PPP1R14C: variants seen among roughly 807,000 people sequenced by gnomAD.
The protein encoded by PPP1R14C is protein phosphatase 1 regulatory subunit 14C.
Under a neutral mutation model 20.4 loss-of-function variants are expected in PPP1R14C, and 16 were observed. The observed-to-expected ratio is 0.78, with a 90% CI of 0.53 to 1.19. The LOEUF (loss-of-function observed/expected upper bound fraction) is 1.19. Among genes scored for constraint, PPP1R14C ranks in the 50% most tolerant of loss-of-function variants. The pLI, the probability that PPP1R14C is intolerant of heterozygous loss-of-function variation, is 0.00. For synonymous variants in PPP1R14C, 91 were observed against 91.0 expected, an observed-to-expected ratio of 1.00 and a Z score of 0.00; for missense variants, 211 against 220.1, an observed-to-expected ratio of 0.96 and a Z score of 0.26.
chr6:150,160,910 A>G (rs1050005948), intron 1 of PPP1R14C, among the ~76,000 whole-genome samples: 1 of 152,048 alleles, frequency 6.6e-6, no homozygotes, highest in Non-Finnish European at 1.5e-5. Flanking sequence ...CTTATCTTGT[A>G]TGTTTCCTGC....
chr6:150,210,586 T>G (rs554384645), intron 1 of PPP1R14C, among the ~76,000 whole-genome samples: 1 of 152,332 alleles, frequency 6.6e-6, no homozygotes. Context: ...TGTGACAGTC[T>G]CTGCAGGACA....
chr6:150,248,534 G>A (rs559768126), intron 3 of PPP1R14C, among the ~76,000 whole-genome samples: 9 of 152,324 alleles, frequency 5.9e-5, no homozygotes, highest in South Asian at 4.1e-4. Flanking sequence ...CCCCCGTAAA[G>A]AAAGTAGAAC....
intron 1 of PPP1R14C, among the ~76,000 whole-genome samples, chr6:150,211,938 G>GT (rs958409842): frequency 6.6e-5 from 10 of 152,210 alleles, no homozygotes; most frequent in South Asian, 6.2e-4. Flanking sequence ...ATCACTTGAG[G>GT]TTTTTTCCCC....
intron 1 of PPP1R14C, among the ~76,000 whole-genome samples, chr6:150,162,266 C>G (rs1054930247): frequency 3.6e-4 from 55 of 152,146 alleles, no homozygotes; most frequent in African/African-American, 1.3e-3. Flanking sequence ...TGTTGGCCAG[C>G]CTGATCTCGA....
At chr6:150,221,211 A>C (rs1159582106) in intron 3 of PPP1R14C, among the ~76,000 whole-genome samples, 1 of 152,212 alleles carries the variant, frequency 6.6e-6, no homozygotes, top group Non-Finnish European at 1.5e-5. Context: ...TTCACATTGC[A>C]CTAACATACA....
At chr6:150,176,422 T>C (rs1028132743) in intron 1 of PPP1R14C, among the ~76,000 whole-genome samples, 1 of 152,234 alleles carries the variant, frequency 6.6e-6, no homozygotes, top group African/African-American at 2.4e-5. Context: ...CCTTTAGGAT[T>C]AGGCTGAACT....
At chr6:150,152,713 T>C (rs1889552) in intron 1 of PPP1R14C, among the ~76,000 whole-genome samples, 130,984 of 152,108 alleles carry the variant, frequency 0.86, 56,772 homozygotes, top group African/African-American at 0.96. Context: ...CTTTCCAGGG[T>C]CCCTCTTTCT....
chr6:150,143,391 C>T lies in PPP1R14C; in HGVS notation c.199C>T (p.His67Tyr). The T allele has an allele frequency of 6.2e-7, 1 of 1,612,276 alleles. No homozygotes were observed. Among genetic ancestry groups the T allele is most frequent in the Non-Finnish European group, 8.5e-7 (1 of 1,179,406 alleles). Reference protein sequence around the residue: ...GQVQQQQQRRHQQGKVTVKYD... With the variant: ...GQVQQQQQRRYQQGKVTVKYD... The stretch of plus-strand genomic sequence containing the variant: ...GGTTCAGCAGCAACAGCAGCGGCGA[C>T]ACCAGCAGGGAAAAGTGACAGTGAA... Residue 67 changes from histidine to tyrosine, a missense_variant, in exon 1 of 4, where the codon CAC becomes TAC. His to Tyr is a moderately conservative substitution (Grantham distance 83). Transcript: ENST00000361131. The surrounding 1 kb of genome is among the most constrained non-coding windows in gnomAD (Gnocchi z 5.6).
intron 3 of PPP1R14C, among the ~76,000 whole-genome samples, chr6:150,246,798 T>A (rs1006025691): frequency 3.9e-5 from 6 of 152,200 alleles, no homozygotes; most frequent in African/African-American, 1.2e-4. Flanking sequence ...ATAACATCCT[T>A]ACAAAAAGAT....
intron 3 of PPP1R14C, among the ~76,000 whole-genome samples, chr6:150,240,446 A>G (rs901339044): frequency 1.3e-5 from 2 of 152,228 alleles, no homozygotes; most frequent in African/African-American, 4.8e-5. Context: ...AAGTGGCTCA[A>G]GAGTGCTGGT....
intron 1 of PPP1R14C, among the ~76,000 whole-genome samples, chr6:150,183,191 T>C (rs1777641083): frequency 6.6e-6 from 1 of 152,140 alleles, no homozygotes; most frequent in Admixed American, 6.5e-5. Flanking sequence ...AGGGGATTTT[T>C]TTTTTTTTAG....
intron 3 of PPP1R14C, among the ~76,000 whole-genome samples, chr6:150,221,205 C>T (rs1778162656): frequency 1.3e-5 from 2 of 152,224 alleles, no homozygotes; most frequent in South Asian, 4.1e-4. Flanking sequence ...CTGTAGTTCA[C>T]ATTGCACTAA....
intron 3 of PPP1R14C, among the ~76,000 whole-genome samples, chr6:150,240,220 A>G (rs571042441): frequency 6.6e-6 from 1 of 152,360 alleles, no homozygotes; most frequent in South Asian, 2.1e-4. Flanking sequence ...TGACATCACT[A>G]CAGATTCTAT....
In PPP1R14C at chr6:150,143,266, G is replaced by A. The variant is rs753192366; in HGVS notation, c.74G>A (p.Ser25Asn). Residue 25 changes from serine to asparagine, a missense_variant, in exon 1 of 4, where the codon AGC becomes AAC. Physicochemically the swap from Ser to Asn is conservative, Grantham distance 46. Coordinates refer to ENST00000361131, the MANE Select transcript of PPP1R14C (RefSeq NM_030949.3). The surrounding 1 kb of genome is among the most constrained non-coding windows in gnomAD (Gnocchi z 5.6). The part of the protein sequence containing the change: ...SGGGARVFFQ[S>N]PRGGAGGSPG... Reference sequence around the variant, plus strand: ...GGCGGCGCACGGGTTTTCTTCCAAAGCCCCCGGGGTGGCGCCGGTGGCAGC... The same window carrying A: ...GGCGGCGCACGGGTTTTCTTCCAAAACCCCCGGGGTGGCGCCGGTGGCAGC... 1 of 1,488,052 alleles carries A rather than the reference G, an allele frequency of 6.7e-7. No homozygotes were observed. Among genetic ancestry groups the A allele is most frequent in the East Asian group, 2.8e-5 (1 of 35,834 alleles). 92.2% of individuals were successfully genotyped at this position (1,488,052 alleles called of 1,614,324 possible).
chr6:150,243,821 G>A (rs117660504), intron 3 of PPP1R14C, among the ~76,000 whole-genome samples: 1,579 of 152,278 alleles, frequency 0.01, 49 homozygotes, highest in Admixed American at 0.069. Flanking sequence ...CTTTATGATG[G>A]ATGCTACTCA....
intron 1 of PPP1R14C, among the ~76,000 whole-genome samples, chr6:150,200,600 C>T (rs571842809): frequency 6.6e-6 from 1 of 152,168 alleles, no homozygotes; most frequent in East Asian, 1.9e-4. Context: ...TTTGGACACA[C>T]CCCTAGGTGC....
rs555342332 is a variant in PPP1R14C at position 150,185,218 on chromosome 6, A to G, written c.307-29526A>G. On this transcript the variant is annotated intron_variant, in intron 1 of 3. Coordinates refer to ENST00000361131, the MANE Select transcript of PPP1R14C (RefSeq NM_030949.3). The surrounding 1 kb of genome is among the most constrained non-coding windows in gnomAD (Gnocchi z 4.1). ...CGATTTCCTCATCTATAACATGTCAACAATGGTATTGCCTCTCTTACAGGG... is the reference window on the plus strand; with the variant it reads ...CGATTTCCTCATCTATAACATGTCAGCAATGGTATTGCCTCTCTTACAGGG... 2.0e-5 allele frequency among the ~76,000 whole-genome samples: 3 copies of G among 152,288 alleles called. No individual in the cohort carries two copies. The East Asian group carries it at 5.8e-4, about 29-fold the overall frequency.
At chr6:150,147,848 A>G (rs1777197301) in intron 1 of PPP1R14C, among the ~76,000 whole-genome samples, 1 of 152,180 alleles carries the variant, frequency 6.6e-6, no homozygotes, top group Non-Finnish European at 1.5e-5. Flanking sequence ...CCCATTTTAT[A>G]AAAACTGTCT....
chr6:150,189,376 C>G (rs1777716130), intron 1 of PPP1R14C, among the ~76,000 whole-genome samples: 1 of 152,160 alleles, frequency 6.6e-6, no homozygotes, highest in South Asian at 2.1e-4. Context: ...CAGCGCCACC[C>G]CAGACAGGGA....
Sources: gnomAD v4.1 joint callset for allele counts (sites outside exome capture counted in the v4.1 genomes callset) on GRCh38, gnomAD v4.1.1 for gene constraint, Gnocchi (gnomAD v3.1) non-coding constraint, MANE v1.5 for transcripts, NCBI Gene and HGNC (gene_info 2026-07-23, HGNC 2026-07-21) for gene names.